The following KIAA0319 variants were observed in gnomAD, a reference collection of about 807,000 sequenced individuals.
KIAA0319 encodes KIAA0319, also known as dyslexia-associated protein KIAA0319.
KIAA0319 carries 83 observed loss-of-function variants against 108.4 expected under a neutral mutation model. The observed-to-expected ratio is 0.77, with a 90% confidence interval of 0.64 to 0.92. KIAA0319 has a LOEUF of 0.92. Among genes scored for constraint, KIAA0319 ranks in the 40% least tolerant of loss-of-function variants. KIAA0319 has a pLI of 0.00. For synonymous variants in KIAA0319, 484 were observed against 510.4 expected (o/e 0.95, Z 0.70); for missense variants, 1,195 against 1,322.4 (o/e 0.90, Z 1.49).
intron 8 of KIAA0319, 96 bp from the exon 9 acceptor site, chr6:24,578,338 A>G: frequency 2.2e-6 from 2 of 908,908 alleles, no homozygotes; most frequent in Non-Finnish European, 3.3e-6. Context: ...TCATTTTTAT[A>G]AGAAATTATG....
intron 1 of KIAA0319, among the ~76,000 whole-genome samples, chr6:24,618,262 T>G (rs1176443463): frequency 6.6e-6 from 1 of 152,098 alleles, no homozygotes; most frequent in African/African-American, 2.4e-5. Context: ...AAATTCCTTC[T>G]GGAAGAAGTT....
intron 8 of KIAA0319, 151 bp from the exon 9 acceptor site, chr6:24,578,393 T>G: frequency 2.1e-6 from 1 of 487,170 alleles, no homozygotes; most frequent in Non-Finnish European, 3.4e-6. Context: ...TAGAAGGAGA[T>G]TCTTTCCTAC....
In KIAA0319 at chr6:24,588,606, A is replaced by C. The variant is rs762712300; in HGVS notation, c.981T>G (p.Thr327=). The C allele has an allele frequency of 6.2e-7, 1 of 1,613,238 alleles. No individual in the cohort carries two copies. The highest frequency in any genetic ancestry group is 1.1e-5 in the South Asian group (1 of 91,054). Residue 327 remains threonine (T), a synonymous_variant, in exon 4 of 21, where the codon ACT becomes ACG. Coordinates refer to ENST00000378214, the MANE Select transcript of KIAA0319 (RefSeq NM_014809.4). ...TTTAAAAGTTACCTGTCCTGGGAGC[A>C]GTGGTAGGAGATATGGGTAGCTCAG... ...TPSELPISPT[T]APRTVKELTV...
chr6:24,597,806 A>T (rs1423353644), intron 2 of KIAA0319, among the ~76,000 whole-genome samples: 1 of 151,242 alleles, frequency 6.6e-6, no homozygotes, highest in Non-Finnish European at 1.5e-5. Flanking sequence ...TAATCCCAGC[A>T]CTTTGGGAGG....
intron 1 of KIAA0319, among the ~76,000 whole-genome samples, chr6:24,602,800 C>CAA (rs145830059): frequency 3.9e-4 from 59 of 150,426 alleles, no homozygotes; most frequent in Admixed American, 9.9e-4. Flanking sequence ...GACCCCGTCT[C>CAA]AAAAAAAACA....
At chr6:24,618,863 A>G (rs1294569595) in intron 1 of KIAA0319, among the ~76,000 whole-genome samples, 1 of 152,174 alleles carries the variant, frequency 6.6e-6, no homozygotes. Context: ...CTAAAAACAA[A>G]AAGATTTTTG....
intron 1 of KIAA0319, among the ~76,000 whole-genome samples, chr6:24,601,491 T>C (rs1027791276): frequency 2.6e-5 from 4 of 152,232 alleles, no homozygotes; most frequent in East Asian, 3.8e-4. Flanking sequence ...GAGCTTGTTA[T>C]AGAAAGGCAG....
intron 1 of KIAA0319, among the ~76,000 whole-genome samples, chr6:24,604,100 C>G (rs1771063861): frequency 6.6e-6 from 1 of 152,192 alleles, no homozygotes; most frequent in Non-Finnish European, 1.5e-5. Context: ...ATCAGAACAC[C>G]TGCTTTGATA....
intron 1 of KIAA0319, among the ~76,000 whole-genome samples, chr6:24,624,822 A>G (rs1348774850): frequency 1.3e-5 from 2 of 152,238 alleles, no homozygotes; most frequent in African/African-American, 4.8e-5. Flanking sequence ...ATTTCCTTCT[A>G]CATGCAATGT....
chr6:24,624,017 C>CTTTTCTTTTTTTTT (rs1774342718), intron 1 of KIAA0319, among the ~76,000 whole-genome samples: 4 of 50,544 alleles, frequency 7.9e-5, no homozygotes, highest in Non-Finnish European at 1.1e-4. Flanking sequence ...TCTTTGTTTT[C>CTTTTCTTTTTTTTT]TTTTTTTTTT....
intron 20 of KIAA0319, among the ~76,000 whole-genome samples, chr6:24,548,176 A>T (rs1760909181): frequency 6.6e-6 from 1 of 152,222 alleles, no homozygotes; most frequent in Admixed American, 6.5e-5. Flanking sequence ...AATGTTTCCC[A>T]TAGGGTGATG....
At chr6:24,548,102 GT>G (rs1052350549) in intron 20 of KIAA0319, among the ~76,000 whole-genome samples, 1 of 152,164 alleles carries the variant, frequency 6.6e-6, no homozygotes, top group Non-Finnish European at 1.5e-5. Flanking sequence ...CAGGTTAGAT[GT>G]TTTTTAAATT....
chr6:24,576,355 A>T lies in KIAA0319; in HGVS notation c.1734+13T>A, dbSNP rs372650388. 3 of 1,602,158 alleles carry T rather than the reference A, an allele frequency of 1.9e-6. No homozygotes were observed. In the African/African-American group the frequency reaches 4.0e-5, roughly 21 times the overall value. ...AGACAGACAAAAGTCTGAAGGCAGG[A>T]TGGAGAACTTGCCTGCATGACCACA... On this transcript the variant is annotated intron_variant, in intron 10 of 20. Coordinates refer to ENST00000378214, the MANE Select transcript of KIAA0319 (RefSeq NM_014809.4).
At chr6:24,573,188 A>G (rs1330137532) in intron 10 of KIAA0319, among the ~76,000 whole-genome samples, 1 of 152,228 alleles carries the variant, frequency 6.6e-6, no homozygotes, top group Non-Finnish European at 1.5e-5. Flanking sequence ...GAAGGAGTGT[A>G]AACTACCATA....
chr6:24,542,554 G>A (rs1760233243), downstream of KIAA0319, among the ~76,000 whole-genome samples: 1 of 152,042 alleles, frequency 6.6e-6, no homozygotes, highest in African/African-American at 2.4e-5. Flanking sequence ...AGCATAGTGA[G>A]ACTCCCCCAT....
chr6:24,569,043 T>G lies in KIAA0319; in HGVS notation c.1992-114A>C, dbSNP rs990064542. 5.7e-6 allele frequency: 6 copies of G among 1,055,758 alleles called. No individual in the cohort carries two copies. In the African/African-American group the frequency reaches 9.5e-5, roughly 17 times the overall value. The allele number at this position is 1,055,758 out of a possible 1,614,324, so 65.4% of individuals were successfully genotyped here. On this transcript the variant is annotated intron_variant, in intron 12 of 20. Coordinates refer to ENST00000378214, the MANE Select transcript of KIAA0319 (RefSeq NM_014809.4). Reference sequence around the variant, plus strand: ...TGTTCCAGCTATAATATATACCATTTAGAGAATTCTAAGAAAACTCCATTC... The same window carrying G: ...TGTTCCAGCTATAATATATACCATTGAGAGAATTCTAAGAAAACTCCATTC...
intron 1 of KIAA0319, among the ~76,000 whole-genome samples, chr6:24,602,168 T>G (rs143995282): frequency 4.7e-4 from 72 of 152,210 alleles, no homozygotes; most frequent in African/African-American, 1.7e-3. Flanking sequence ...AGGCGCACAC[T>G]ACCACACCCG....
chr6:24,601,889 G>C (rs1770673073), intron 1 of KIAA0319, among the ~76,000 whole-genome samples: 1 of 152,152 alleles, frequency 6.6e-6, no homozygotes, highest in South Asian at 2.1e-4. Flanking sequence ...ACAAGGGACT[G>C]GTTTCCCGGG....
downstream of KIAA0319, among the ~76,000 whole-genome samples, chr6:24,542,510 A>C (rs569555129): frequency 1.8e-4 from 27 of 152,312 alleles, 1 homozygote; most frequent in Middle Eastern, 6.8e-3. Flanking sequence ...GAGGTGGATC[A>C]CTTGAGCCAG....
Sources: allele counts gnomAD v4.1 joint callset (sites outside exome capture counted in the v4.1 genomes callset), GRCh38; gene constraint gnomAD v4.1.1; transcripts MANE v1.5; gene names NCBI Gene and HGNC (gene_info 2026-07-23, HGNC 2026-07-21).